Variants in SLC2A13 observed in about 807,000 individuals in gnomAD.
SLC2A13 encodes the protein proton myo-inositol cotransporter.
SLC2A13 carries 32 observed loss-of-function variants against 64.4 expected under a neutral mutation model. The observed-to-expected ratio is 0.50, with a 90% CI of 0.37 to 0.67. SLC2A13 has a LOEUF of 0.67. Ranked by LOEUF, SLC2A13 falls within the 30% of genes least tolerant of loss-of-function variation. SLC2A13 has a pLI of 0.00. For missense variants in SLC2A13, 743 were observed against 829.2 expected (o/e 0.90, Z 1.28); for synonymous variants, 338 against 327.1 (o/e 1.03, Z -0.36).
intron 4 of SLC2A13, among the ~76,000 whole-genome samples, chr12:39,873,280 A>G (rs892862443): frequency 4.3e-4 from 66 of 152,230 alleles, no homozygotes; most frequent in African/African-American, 1.5e-3. Flanking sequence ...AGAAATTCCC[A>G]GTGGAATTAC....
chr12:39,866,054 A>C (rs912879899), intron 5 of SLC2A13, among the ~76,000 whole-genome samples: 6 of 152,256 alleles, frequency 3.9e-5, no homozygotes, highest in African/African-American at 9.6e-5. Flanking sequence ...TGGCTGTGTT[A>C]GTTTGTACAA....
intron 6 of SLC2A13, among the ~76,000 whole-genome samples, chr12:39,852,086 G>T (rs1943485185): frequency 6.6e-6 from 1 of 152,184 alleles, no homozygotes. Context: ...GTGAGGCTGG[G>T]TAAGGTTAAG....
At chr12:39,937,730 A>G (rs886790443) in intron 4 of SLC2A13, among the ~76,000 whole-genome samples, 1 of 152,220 alleles carries the variant, frequency 6.6e-6, no homozygotes, top group Non-Finnish European at 1.5e-5. Context: ...TTCAGGAAGC[A>G]TGACAAAAGG....
At chr12:39,774,743 A>G (rs1429812222) in intron 7 of SLC2A13, among the ~76,000 whole-genome samples, 1 of 152,176 alleles carries the variant, frequency 6.6e-6, no homozygotes, top group Non-Finnish European at 1.5e-5. Flanking sequence ...CAAAAGCCTT[A>G]GAAATTTGGA....
At chr12:39,972,209 A>T (rs996440431) in intron 3 of SLC2A13, among the ~76,000 whole-genome samples, 3 of 150,516 alleles carry the variant, frequency 2.0e-5, no homozygotes, top group Non-Finnish European at 4.4e-5. Flanking sequence ...CTGATGGTCA[A>T]TTGTTATCTC....
rs56929772 is a variant in SLC2A13 at position 39,898,079 on chromosome 12, TC to T, written c.1035-26119del. On this transcript the variant is annotated intron_variant, in intron 4 of 9. Coordinates refer to ENST00000280871, the MANE Select transcript of SLC2A13 (RefSeq NM_052885.4). ...ATATTGAGGAGGCTTTAGCAAACAA[TC>T]CGTTGTTGGGAATATAATTTTTGTT... is the stretch of plus-strand genomic sequence containing the variant. Among the ~76,000 whole-genome samples the T allele has an allele frequency of 5.6e-3, 856 of 152,234 alleles. 6 individuals are homozygous for T. Among genetic ancestry groups the T allele is most frequent in the African/African-American group, 0.019 (794 of 41,546 alleles).
At chr12:39,959,418 G>A (rs1318656819) in intron 3 of SLC2A13, among the ~76,000 whole-genome samples, 1 of 152,224 alleles carries the variant, frequency 6.6e-6, no homozygotes, top group Non-Finnish European at 1.5e-5. Context: ...GTGCTTGTAA[G>A]CTGATCATGG....
At chr12:39,803,358 A>T (rs1354655254) in intron 7 of SLC2A13, among the ~76,000 whole-genome samples, 1 of 152,210 alleles carries the variant, frequency 6.6e-6, no homozygotes, top group Non-Finnish European at 1.5e-5. Flanking sequence ...CCAGTAGATG[A>T]CAGCAGTGGA....
intron 3 of SLC2A13, among the ~76,000 whole-genome samples, chr12:39,996,549 G>T (rs937051153): frequency 1.3e-5 from 2 of 152,218 alleles, no homozygotes; most frequent in African/African-American, 4.8e-5. Context: ...CTCATCACAG[G>T]CCAACAGGCC....
rs373819649 is a variant in SLC2A13, at chr12:39,900,919, C to T, written c.1035-28958G>A. Among the ~76,000 whole-genome samples the T allele has an allele frequency of 2.6e-4, 39 of 152,240 alleles. 1 individual carries two copies. The highest frequency in any genetic ancestry group is 4.1e-4 in the South Asian group (2 of 4,830). ...CAAAAGAACAAAGCTGGAGGCATCA[C>T]GCTACCTGACTTCAAACTATACCAC... On this transcript the variant is annotated intron_variant, in intron 4 of 9. Transcript: ENST00000280871.
intron 3 of SLC2A13, among the ~76,000 whole-genome samples, chr12:40,018,672 T>C (rs1947659570): frequency 6.6e-6 from 1 of 152,208 alleles, no homozygotes; most frequent in Non-Finnish European, 1.5e-5. Context: ...ACTCCTAATA[T>C]GTTACTGCTT....
intron 3 of SLC2A13, among the ~76,000 whole-genome samples, chr12:39,956,609 C>T (rs1237347797): frequency 1.3e-5 from 2 of 152,052 alleles, no homozygotes; most frequent in East Asian, 1.9e-4. Flanking sequence ...AGTAAGAACA[C>T]AAGGGGGTTA....
At chr12:40,008,613 CAAA>C (rs764049845) in intron 3 of SLC2A13, among the ~76,000 whole-genome samples, 1 of 109,714 alleles carries the variant, frequency 9.1e-6, no homozygotes. Context: ...TGCGTCACTC[CAAA>C]AAAAAAAAAA....
chr12:40,080,638 T>G lies in SLC2A13; in HGVS notation c.556+24615A>C, dbSNP rs555831090. On this transcript the variant is annotated intron_variant, in intron 1 of 9. Transcript: ENST00000280871. ...AACTCCTGACCTCAGGTGATCCACC[T>G]GCCTCAGTCTCCCAAAGGGTTGGGA... Among the ~76,000 whole-genome samples, 11 of 152,338 alleles carry G rather than the reference T, an allele frequency of 7.2e-5. No homozygotes were observed. In the South Asian group the frequency reaches 2.3e-3, roughly 32 times the overall value.
At chr12:40,073,445 G>C (rs1442355515) in intron 1 of SLC2A13, among the ~76,000 whole-genome samples, 1 of 152,060 alleles carries the variant, frequency 6.6e-6, no homozygotes, top group East Asian at 1.9e-4. Flanking sequence ...TTTCAATAAA[G>C]TGTTGTCTCA....
In SLC2A13 at chr12:39,757,669, G is replaced by C. The variant is rs1486843966; in HGVS notation, c.*2357C>G. 6.6e-6 allele frequency: 1 copy of C among 152,090 alleles called. No homozygotes were observed. The highest frequency in any genetic ancestry group is 2.4e-5 in the African/African-American group (1 of 41,368). 9.4% of individuals were successfully genotyped at this position (152,090 alleles called of 1,614,324 possible). A position where few individuals can be genotyped will look rare whatever the true frequency, so the allele number is the denominator to read the frequency against. On this transcript the variant is annotated 3_prime_UTR_variant, in exon 10 of 10. Coordinates refer to ENST00000280871, the MANE Select transcript of SLC2A13 (RefSeq NM_052885.4). ...TTAAAGTAGGGGCTCAGGGGAGTAG[G>C]GGAGGAGAACTGTGGCTAATTTTCC...
chr12:39,896,252 GTATGTATATGTGTGTATATATGTATACAT>G (rs1565527640), intron 4 of SLC2A13, among the ~76,000 whole-genome samples: 2 of 84,404 alleles, frequency 2.4e-5, no homozygotes, highest in East Asian at 8.1e-4. Flanking sequence ...ATGTATACAT[GTATGTATATGTGTGTATATATGTATACAT>G]GTATGTATAT....
chr12:39,965,882 C>T (rs1591957672), intron 3 of SLC2A13, among the ~76,000 whole-genome samples: 1 of 151,958 alleles, frequency 6.6e-6, no homozygotes, highest in South Asian at 2.1e-4. Context: ...TCTTAAAGAA[C>T]ATTTAGGAAT....
chr12:39,796,141 T>C (rs1215395034), intron 7 of SLC2A13, among the ~76,000 whole-genome samples: 3 of 152,190 alleles, frequency 2.0e-5, no homozygotes, highest in African/African-American at 7.2e-5. Context: ...TATATCACCT[T>C]TTGTAACTGG....
Sources: gnomAD v4.1 joint callset for allele counts (sites outside exome capture counted in the v4.1 genomes callset) on GRCh38, gnomAD v4.1.1 for gene constraint, MANE v1.5 for transcripts, NCBI Gene and HGNC (gene_info 2026-07-23, HGNC 2026-07-21) for gene names.